PCNX3: variants seen among roughly 807,000 people sequenced by gnomAD.
The protein encoded by PCNX3 is pecanex-like protein 3.
Under a neutral mutation model 207.2 loss-of-function variants are expected in PCNX3, and 58 were observed. That is an observed-to-expected ratio of 0.28 (90% CI 0.23 to 0.35). The LOEUF is 0.35. Among genes scored for constraint, PCNX3 ranks in the 10% least tolerant of loss-of-function variants. The pLI is 1.00. For synonymous variants in PCNX3, 1,337 were observed against 1,183.5 expected, an observed-to-expected ratio of 1.13 and a Z score of -2.66; for missense variants, 2,410 against 2,774.4, an observed-to-expected ratio of 0.87 and a Z score of 2.95.
intron 8 of PCNX3, 118 bp from the exon 9 acceptor site, chr11:65,620,221 C>A: frequency 9.0e-7 from 1 of 1,113,048 alleles, no homozygotes; most frequent in Non-Finnish European, 1.3e-6. Context: ...GCTGGGCTGC[C>A]CTCTCAGAGG....
At chr11:65,624,857 A>G (rs890067182) in intron 15 of PCNX3, 68 bp from the exon 16 acceptor site, 2 of 1,456,964 alleles carry the variant, frequency 1.4e-6, no homozygotes, top group South Asian at 2.4e-5. Context: ...GTTGAGGGGA[A>G]GCGCGGCTAG....
intron 11 of PCNX3, among the ~76,000 whole-genome samples, chr11:65,622,609 T>G (rs1855166790): frequency 6.6e-6 from 1 of 151,554 alleles, no homozygotes; most frequent in Non-Finnish European, 1.5e-5. Flanking sequence ...AAAAAAACTT[T>G]TTTTGAGACG....
Position 65,618,612 on chromosome 11 carries a change from G to T in PCNX3, c.1250G>T (p.Gly417Val). 1 of 1,612,570 alleles carries T rather than the reference G, an allele frequency of 6.2e-7. No individual in the cohort carries two copies. Among genetic ancestry groups the T allele is most frequent in the Non-Finnish European group, 8.5e-7 (1 of 1,179,820 alleles). The change falls in exon 6 of 35, where the codon GGC becomes GTC. Residue 417 changes from glycine (G) to valine (V), a missense_variant. Around this residue, in one of 8 missense-constraint regions of PCNX3, gnomAD observed 1,104 missense variants for 970.3 expected, o/e 1.14. Coordinates refer to ENST00000355703, the MANE Select transcript of PCNX3 (RefSeq NM_032223.4). The stretch of plus-strand genomic sequence containing the variant: ...CGACGGCCCCTGCTTGAAGGTGGGG[G>T]CTTCTTTGAGGATGAAGACACTAGT... ...APRRPLLEGG[G>V]FFEDEDTSEG...
intron 29 of PCNX3, 126 bp from the exon 30 acceptor site, chr11:65,634,847 C>T: frequency 9.6e-6 from 13 of 1,351,882 alleles, no homozygotes; most frequent in Non-Finnish European, 1.3e-5. Flanking sequence ...CAGAGATTGG[C>T]CTCTTTGTCA....
chr11:65,629,601 T>C lies in PCNX3; in HGVS notation c.4082T>C (p.Val1361Ala). 1 of 1,612,634 alleles carries C rather than the reference T, an allele frequency of 6.2e-7. No homozygotes were observed. The highest frequency in any genetic ancestry group is 8.5e-7 in the Non-Finnish European group (1 of 1,179,328). Residue 1361 changes from valine to alanine, a missense_variant, in exon 26 of 35, where the codon GTG (valine) becomes GCG (alanine). Val to Ala is a moderately conservative substitution (Grantham distance 64). Transcript: ENST00000355703. The part of the protein sequence containing the change: ...SLQHTLCGDL[V>A]LGRWGNYGPG... ...CAGCACACACTGTGTGGGGACCTGG[T>C]GCTGGGCCGCTGGGGCAACTATGGC...
Position 65,626,440 on chromosome 11 carries a change from A to T in PCNX3, c.3379+386A>T, listed in dbSNP as rs1157307513. On this transcript the variant is annotated intron_variant, in intron 20 of 34. Coordinates refer to ENST00000355703, the MANE Select transcript of PCNX3 (RefSeq NM_032223.4). Reference sequence around the variant, plus strand: ...CATAATGGTTTTTAAAAAATCCTGGAGCCTCTATTTTAGCATCTCGATTTG... The same window carrying T: ...CATAATGGTTTTTAAAAAATCCTGGTGCCTCTATTTTAGCATCTCGATTTG... 7.4e-6 allele frequency: 3 copies of T among 406,262 alleles called. No individual in the cohort carries two copies. The East Asian group carries it at 1.8e-4, about 24-fold the overall frequency. 25.2% of individuals were successfully genotyped at this position (406,262 alleles called of 1,614,324 possible). A position where few individuals can be genotyped will look rare whatever the true frequency, so the allele number is the denominator to read the frequency against.
rs761538412 is a variant in PCNX3, at chr11:65,634,111, C to A, written c.4471-15C>A. On this transcript the variant is annotated splice_polypyrimidine_tract_variant and intron_variant, in intron 27 of 34. Coordinates refer to ENST00000355703, the MANE Select transcript of PCNX3 (RefSeq NM_032223.4). ...GGCCGGGACCCCGGCCTGACGCCTG[C>A]CCCTCCTCTCCCAGAGCATCATCTA... The A allele has an allele frequency of 1.0e-5, 16 of 1,604,786 alleles. No homozygotes were observed. The highest frequency in any genetic ancestry group is 3.4e-5 in the Admixed American group (2 of 59,556).
At chr11:65,622,173 C>T (rs748766010) in intron 10 of PCNX3, 72 bp from the exon 11 acceptor site, 150 of 1,521,832 alleles carry the variant, frequency 9.9e-5, no homozygotes, top group South Asian at 1.6e-4. Flanking sequence ...TGGGGGGTGG[C>T]GGGGCTGACG....
chr11:65,624,031 G>A (rs1590883732), intron 13 of PCNX3, 70 bp downstream of exon 13: 2 of 1,599,118 alleles, frequency 1.3e-6, no homozygotes, highest in East Asian at 4.5e-5. Context: ...TGGGGAGGAG[G>A]GTAGGGTATG....
At position 65,634,211 on chromosome 11, in the gene PCNX3, G is replaced by A. The variant is rs372650349; in HGVS notation, c.4556G>A (p.Arg1519Gln). ...ATCACGGCAGCCCTGAGGCCTGTGC[G>A]GGTGCCCGGCTATGCCGACTCGGAT... ...EGITAALRPV[R>Q]VPGYADSDPT... The change falls in exon 28 of 35, where the codon CGG (arginine) becomes CAG (glutamine). Residue 1519 changes from arginine (R) to glutamine (Q), a missense_variant. Coordinates refer to ENST00000355703, the MANE Select transcript of PCNX3 (RefSeq NM_032223.4). 1.4e-5 allele frequency: 23 copies of A among 1,613,340 alleles called. No homozygotes were observed. Among genetic ancestry groups the A allele is most frequent in the African/African-American group, 2.7e-5 (2 of 74,952 alleles).
chr11:65,621,428 A>G (rs1276736661), intron 10 of PCNX3, among the ~76,000 whole-genome samples: 1 of 152,220 alleles, frequency 6.6e-6, no homozygotes, highest in Non-Finnish European at 1.5e-5. Flanking sequence ...TTTGGACAGT[A>G]AATTTGTATA....
intron 21 of PCNX3, 132 bp from the exon 22 acceptor site, chr11:65,627,273 A>G (rs1590891681): frequency 9.2e-6 from 11 of 1,200,254 alleles, no homozygotes; most frequent in African/African-American, 3.1e-5. Context: ...CACGGGCCCA[A>G]AAGAGCAGGG....
At chr11:65,627,137 T>C (rs1855434319) in intron 21 of PCNX3, 89 bp downstream of exon 21, 2 of 1,426,674 alleles carry the variant, frequency 1.4e-6, no homozygotes, top group Non-Finnish European at 1.9e-6. Flanking sequence ...GAATGAATCA[T>C]GTCTAAGGTT....
chr11:65,623,026 A>G (rs1452775286), intron 11 of PCNX3, among the ~76,000 whole-genome samples: 1 of 152,160 alleles, frequency 6.6e-6, no homozygotes, highest in Non-Finnish European at 1.5e-5. Flanking sequence ...AGTCCCAGAA[A>G]ATCCAATAGA....
In PCNX3 at chr11:65,626,014, C is replaced by T. The variant is rs751405320; in HGVS notation, c.3339C>T (p.Pro1113=). Reference sequence around the variant, plus strand: ...TGCCCTGGTTCTGCCTGTCACAGCCCGTGCTGAAGCCGCTGGAGTACAGCC... The same window carrying T: ...TGCCCTGGTTCTGCCTGTCACAGCCTGTGCTGAAGCCGCTGGAGTACAGCC... ...KQLPWFCLSQ[P]VLKPLEYSQY... The change falls in exon 20 of 35, where the codon CCC becomes CCT. Residue 1113 remains proline, a synonymous_variant. Coordinates refer to ENST00000355703, the MANE Select transcript of PCNX3 (RefSeq NM_032223.4). 105 of 1,612,680 alleles carry T rather than the reference C, an allele frequency of 6.5e-5. 1 individual carries two copies. In the East Asian group the frequency reaches 8.2e-4, roughly 13 times the overall value.
chr11:65,626,068 C>G lies in PCNX3; in HGVS notation c.3379+14C>G. On this transcript the variant is annotated intron_variant, in intron 20 of 34. Transcript: ENST00000355703. ...ATGAAGTGCGCGGTGAGTGCCCACC[C>G]CTGATGGCCAGGCCTGGGCAGTGGC... 2.5e-6 allele frequency: 4 copies of G among 1,589,686 alleles called. No individual in the cohort carries two copies.
At chr11:65,627,784 G>A (rs1855464481) in intron 22 of PCNX3, among the ~76,000 whole-genome samples, 1 of 152,132 alleles carries the variant, frequency 6.6e-6, no homozygotes, top group African/African-American at 2.4e-5. Flanking sequence ...TGAGGGACTT[G>A]CCTCAGGCTT....
At position 65,637,157 on chromosome 11, in the gene PCNX3, T is replaced by C. The variant is rs1855883435; in HGVS notation, c.*179T>C. ...AGACCTCTGACCTTGACCCCTGATC[T>C]CTCTCATCCCCAGTCCAGGGCCTGG... On this transcript the variant is annotated 3_prime_UTR_variant, in exon 35 of 35. Coordinates refer to ENST00000355703, the MANE Select transcript of PCNX3 (RefSeq NM_032223.4). 2.9e-6 allele frequency: 2 copies of C among 682,328 alleles called. No individual in the cohort carries two copies. The highest frequency in any genetic ancestry group is 4.9e-6 in the Non-Finnish European group (2 of 411,958). The allele number at this position is 682,328 out of a possible 1,614,324, so 42.3% of individuals were successfully genotyped here. A position where few individuals can be genotyped will look rare whatever the true frequency, so the allele number is the denominator to read the frequency against.
chr11:65,632,350 G>C (rs1855649554), intron 27 of PCNX3, among the ~76,000 whole-genome samples: 2 of 151,678 alleles, frequency 1.3e-5, no homozygotes, highest in Admixed American at 1.3e-4. Context: ...TGGTGCATCT[G>C]GGGAAGTGTC....
Sources: gnomAD v4.1 joint callset for allele counts (sites outside exome capture counted in the v4.1 genomes callset) on GRCh38, gnomAD v4.1.1 for gene constraint, gnomAD v4.1.1 regional missense constraint, MANE v1.5 for transcripts, NCBI Gene and HGNC (gene_info 2026-07-23, HGNC 2026-07-21) for gene names.